The following ZC3H12B variants were observed in gnomAD, a reference collection of about 807,000 sequenced individuals.
The protein encoded by ZC3H12B is zinc finger CCCH-type containing 12B, also known as probable ribonuclease ZC3H12B.
ZC3H12B carries 7 observed loss-of-function variants against 43.9 expected under a neutral mutation model. That is an observed-to-expected ratio of 0.16 (90% confidence interval 0.09 to 0.30). The LOEUF is 0.30. Ranked by LOEUF, ZC3H12B falls within the 10% of genes least tolerant of loss-of-function variation. The pLI, the probability that ZC3H12B is intolerant of heterozygous loss-of-function variation, is 1.00. For synonymous variants in ZC3H12B, 222 were observed against 241.7 expected, an observed-to-expected ratio of 0.92 and a Z score of 0.76; for missense variants, 475 against 670.2, an observed-to-expected ratio of 0.71 and a Z score of 3.22.
chrX:65,043,772 A>T, the ZC3H12B span, among the ~76,000 whole-genome samples: 3 of 112,210 alleles, frequency 2.7e-5, no homozygotes, highest in African/African-American at 9.7e-5. Flanking sequence ...AAATCTTAAA[A>T]GACATAAGAA....
intron 3 of ZC3H12B, among the ~76,000 whole-genome samples, chrX:65,443,712 C>T (rs1325941099): frequency 8.9e-6 from 1 of 112,180 alleles, no homozygotes; most frequent in African/African-American, 3.2e-5. Flanking sequence ...TGTTCCTTGC[C>T]CTCATTCCTG....
the ZC3H12B span, among the ~76,000 whole-genome samples, chrX:65,051,685 G>A: frequency 2.3e-4 from 26 of 110,954 alleles, no homozygotes; most frequent in Non-Finnish European, 3.4e-4. Context: ...TTTTTTCAGC[G>A]AAGAAGTAGT....
the ZC3H12B span, among the ~76,000 whole-genome samples, chrX:65,187,871 G>C: frequency 1.8e-5 from 2 of 110,000 alleles, no homozygotes; most frequent in Non-Finnish European, 3.8e-5. Flanking sequence ...TAGCCACCTT[G>C]TTGTGCTATC....
At chrX:65,052,780 C>A in the ZC3H12B span, among the ~76,000 whole-genome samples, 194 of 111,805 alleles carry the variant, frequency 1.7e-3, no homozygotes, top group Non-Finnish European at 2.0e-3. Context: ...GATTTCATTT[C>A]TTTTCTGTAT....
At chrX:65,346,348 A>G in the ZC3H12B span, among the ~76,000 whole-genome samples, 2 of 111,071 alleles carry the variant, frequency 1.8e-5, no homozygotes, top group Non-Finnish European at 3.8e-5. Flanking sequence ...CTAATCTTTG[A>G]CAAACTCAAT....
chrX:65,376,892 T>C (rs2066353951), intron 2 of ZC3H12B, among the ~76,000 whole-genome samples: 1 of 110,147 alleles, frequency 9.1e-6, no homozygotes, highest in Non-Finnish European at 1.9e-5. Flanking sequence ...ATCAAGACCA[T>C]ATAGGAAAAC....
the ZC3H12B span, among the ~76,000 whole-genome samples, chrX:65,211,882 T>A: frequency 1.3e-5 from 1 of 77,061 alleles, no homozygotes; most frequent in African/African-American, 5.4e-5. Context: ...ATAATATATG[T>A]TATGTATACT....
chrX:65,256,854 G>T, the ZC3H12B span, among the ~76,000 whole-genome samples: 1 of 112,194 alleles, frequency 8.9e-6, no homozygotes. Flanking sequence ...AGAAAAAAAT[G>T]CTCATCATCA....
At chrX:65,163,501 C>T in the ZC3H12B span, among the ~76,000 whole-genome samples, 4 of 111,441 alleles carry the variant, frequency 3.6e-5, no homozygotes, top group African/African-American at 1.3e-4. Context: ...AGCCTCGCTG[C>T]CACCTTGCAG....
chrX:65,428,689 G>T (rs2067113912), intron 3 of ZC3H12B, among the ~76,000 whole-genome samples: 1 of 112,001 alleles, frequency 8.9e-6, no homozygotes, highest in Non-Finnish European at 1.9e-5. Context: ...CCAGCATTGG[G>T]TTACAACATG....
the ZC3H12B span, among the ~76,000 whole-genome samples, chrX:65,094,064 A>T: frequency 9.1e-6 from 1 of 110,175 alleles, no homozygotes; most frequent in Non-Finnish European, 1.9e-5. Context: ...CAGAGTTCTC[A>T]TGAGATCTGG....
At chrX:65,125,425 A>G in the ZC3H12B span, among the ~76,000 whole-genome samples, 2 of 111,534 alleles carry the variant, frequency 1.8e-5, no homozygotes, top group African/African-American at 6.5e-5. Context: ...ATCTTGAAGA[A>G]TGTTCCATGT....
chrX:65,120,121 G>A, the ZC3H12B span, among the ~76,000 whole-genome samples: 1 of 111,850 alleles, frequency 8.9e-6, no homozygotes, highest in Non-Finnish European at 1.9e-5. Flanking sequence ...GATTAACTTG[G>A]CAGTGCAGGC....
chrX:65,213,397 C>T, the ZC3H12B span, among the ~76,000 whole-genome samples: 2 of 111,292 alleles, frequency 1.8e-5, no homozygotes, highest in Non-Finnish European at 3.8e-5. Flanking sequence ...GTGAAAATTT[C>T]TCATAACGGG....
chrX:65,157,143 G>A, the ZC3H12B span, among the ~76,000 whole-genome samples: 1 of 110,425 alleles, frequency 9.1e-6, no homozygotes, highest in African/African-American at 3.3e-5. Context: ...AACACACCTG[G>A]CTGATTTTTG....
chrX:65,348,354 C>T, the ZC3H12B span, among the ~76,000 whole-genome samples: 2 of 111,498 alleles, frequency 1.8e-5, no homozygotes, highest in East Asian at 5.6e-4. Context: ...ACAAGATATC[C>T]TCAAGGTAGC....
chrX:65,393,846 T>A (rs774425194), intron 2 of ZC3H12B, among the ~76,000 whole-genome samples: 66 of 112,243 alleles, frequency 5.9e-4, no homozygotes, highest in Non-Finnish European at 7.7e-4. Context: ...TTTCTCTGCA[T>A]CCTCTCCAGC....
the ZC3H12B span, among the ~76,000 whole-genome samples, chrX:65,062,333 TG>T: frequency 8.9e-6 from 1 of 112,269 alleles, no homozygotes; most frequent in Non-Finnish European, 1.9e-5. Context: ...AGGTAATTTT[TG>T]TTTAAGGTGT....
At chrX:65,039,013 A>C in the ZC3H12B span, among the ~76,000 whole-genome samples, 1 of 111,131 alleles carries the variant, frequency 9.0e-6, no homozygotes, top group Non-Finnish European at 1.9e-5. Flanking sequence ...GGAGCATAGC[A>C]TTTTTTACTA....
Sources: gnomAD v4.1 joint callset for allele counts (sites outside exome capture counted in the v4.1 genomes callset) on GRCh38, gnomAD v4.1.1 for gene constraint, MANE v1.5 for transcripts, NCBI Gene and HGNC (gene_info 2026-07-23, HGNC 2026-07-21) for gene names.